Variants in CA10 observed in about 807,000 individuals in gnomAD.
CA10 encodes the protein carbonic anhydrase 10 (inactive).
CA10 carries 14 observed loss-of-function variants against 44.2 expected under a neutral mutation model. The observed-to-expected ratio is 0.32, with a 90% CI of 0.21 to 0.50. The LOEUF (loss-of-function observed/expected upper bound fraction) is 0.50, where lower values mean the gene tolerates loss of function less well. Ranked by LOEUF, CA10 falls within the 20% of genes least tolerant of loss-of-function variation. The pLI, the probability that CA10 is intolerant of heterozygous loss-of-function variation, is 0.99. For synonymous variants in CA10, 159 were observed against 141.6 expected, an observed-to-expected ratio of 1.12 and a Z score of -0.87; for missense variants, 350 against 409.7, an observed-to-expected ratio of 0.85 and a Z score of 1.26.
chr17:51,652,093 T>C (rs144285301), intron 5 of CA10, among the ~76,000 whole-genome samples: 94 of 152,318 alleles, frequency 6.2e-4, no homozygotes, highest in African/African-American at 2.1e-3. Flanking sequence ...CCAGCTCTAT[T>C]GGAGAGGCAT....
At chr17:52,103,878 A>G (rs1333850958) in intron 1 of CA10, among the ~76,000 whole-genome samples, 1 of 152,204 alleles carries the variant, frequency 6.6e-6, no homozygotes, top group Non-Finnish European at 1.5e-5. Flanking sequence ...GCTGCCTCAC[A>G]CCTTAGATGT....
intron 4 of CA10, among the ~76,000 whole-genome samples, chr17:51,657,440 ACC>A (rs1201202124): frequency 1.3e-5 from 2 of 152,048 alleles, no homozygotes; most frequent in African/African-American, 2.4e-5. Context: ...CTAACCCAAT[ACC>A]CACTAACCAC....
intron 4 of CA10, among the ~76,000 whole-genome samples, chr17:51,655,748 G>A (rs1913769802): frequency 6.6e-6 from 1 of 152,250 alleles, no homozygotes; most frequent in Admixed American, 6.5e-5. Flanking sequence ...ACAGTACCTT[G>A]AATCTGAGAA....
intron 3 of CA10, among the ~76,000 whole-genome samples, chr17:51,909,155 TGA>T (rs977303428): frequency 1.1e-4 from 16 of 152,166 alleles, no homozygotes; most frequent in African/African-American, 3.9e-4. Flanking sequence ...TCGTCACAGG[TGA>T]GATAGAAGGT....
intron 2 of CA10, among the ~76,000 whole-genome samples, chr17:51,983,630 T>C (rs1203964353): frequency 6.6e-6 from 1 of 151,730 alleles, no homozygotes; most frequent in African/African-American, 2.4e-5. Context: ...TTTTTATTGA[T>C]TTAAAGTCAT....
intron 1 of CA10, among the ~76,000 whole-genome samples, chr17:52,135,609 C>G (rs1264709899): frequency 6.6e-6 from 1 of 152,198 alleles, no homozygotes; most frequent in Non-Finnish European, 1.5e-5. Context: ...CTTGAAGTGT[C>G]TGTTTCTAGC....
At chr17:52,082,130 GCA>G (rs1988000196) in intron 1 of CA10, among the ~76,000 whole-genome samples, 1 of 152,150 alleles carries the variant, frequency 6.6e-6, no homozygotes, top group Non-Finnish European at 1.5e-5. Context: ...AGGTACACTG[GCA>G]CAGTGTTTGA....
chr17:51,790,548 C>T (rs1906479710), intron 3 of CA10, among the ~76,000 whole-genome samples: 1 of 152,126 alleles, frequency 6.6e-6, no homozygotes, highest in Non-Finnish European at 1.5e-5. Context: ...CATGAATTCA[C>T]CAAAAATGAA....
rs1567860378 is a variant in CA10 at position 51,849,207 on chromosome 17, A to ATATATATACATATATG, written c.279+81782_279+81783insCATATATGTATATATA. On this transcript the variant is annotated intron_variant, in intron 3 of 8. Transcript: ENST00000451037. ...TGTATATATATATATACATATATGTATATATATATATACATATATGTGTGT... is the reference window on the plus strand; with the variant it reads ...TGTATATATATATATACATATATGTATATATATACATATATGTATATATATATACATATATGTGTGT... Among the ~76,000 whole-genome samples, 19 of 40,780 alleles carry ATATATATACATATATG rather than the reference A, an allele frequency of 4.7e-4. 1 individual carries two copies. Among genetic ancestry groups the ATATATATACATATATG allele is most frequent in the African/African-American group, 2.7e-3 (17 of 6,332 alleles). 26.8% of individuals were successfully genotyped at this position (40,780 alleles called of 152,430 possible). A position where few individuals can be genotyped will look rare whatever the true frequency, so the allele number is the denominator to read the frequency against.
chr17:52,054,238 T>C (rs1987160492), intron 2 of CA10, among the ~76,000 whole-genome samples: 1 of 152,126 alleles, frequency 6.6e-6, no homozygotes, highest in Non-Finnish European at 1.5e-5. Context: ...AGGGGAGGCC[T>C]CTGAAATGGC....
intron 4 of CA10, among the ~76,000 whole-genome samples, chr17:51,699,397 G>C (rs1011308392): frequency 6.6e-6 from 1 of 151,666 alleles, no homozygotes; most frequent in Admixed American, 6.6e-5. Flanking sequence ...GGTGGTTTGA[G>C]GAGTCTCCAT....
chr17:52,015,507 A>G (rs968828436), intron 2 of CA10, among the ~76,000 whole-genome samples: 1 of 152,286 alleles, frequency 6.6e-6, no homozygotes. Flanking sequence ...CTAGATCTTG[A>G]ATGAACTTGA....
chr17:51,899,536 G>A (rs1414718072), intron 3 of CA10, among the ~76,000 whole-genome samples: 3 of 151,994 alleles, frequency 2.0e-5, no homozygotes, highest in African/African-American at 7.2e-5. Context: ...GTTTTTGGGT[G>A]GAGTGTTCTG....
chr17:51,677,885 ACC>A (rs201803270), intron 4 of CA10, among the ~76,000 whole-genome samples: 52 of 138,000 alleles, frequency 3.8e-4, no homozygotes, highest in African/African-American at 1.2e-3. Context: ...CTAGGTATAC[ACC>A]CCCCCCCCCA....
At chr17:51,856,055 T>C (rs1201603861) in intron 3 of CA10, among the ~76,000 whole-genome samples, 5 of 152,258 alleles carry the variant, frequency 3.3e-5, no homozygotes, top group African/African-American at 1.2e-4. Flanking sequence ...CCCGCGCAAA[T>C]GTGCAAGCCT....
chr17:51,855,299 GA>G (rs1474000083), intron 3 of CA10, among the ~76,000 whole-genome samples: 1 of 152,058 alleles, frequency 6.6e-6, no homozygotes. Flanking sequence ...TTACTATACA[GA>G]AAAGCACTTT....
rs146125400 is a variant in CA10 at position 51,686,547 on chromosome 17, G to T, written c.466-32811C>A. Reference sequence around the variant, plus strand: ...TTCTATGTATTAGAATCACCTTGAGGATATTAAAAAAAATCTTAATGTCTA... The same window carrying T: ...TTCTATGTATTAGAATCACCTTGAGTATATTAAAAAAAATCTTAATGTCTA... On this transcript the variant is annotated intron_variant, in intron 4 of 8. Coordinates refer to ENST00000451037, the MANE Select transcript of CA10 (RefSeq NM_020178.5). 5.7e-4 allele frequency among the ~76,000 whole-genome samples: 86 copies of T among 152,066 alleles called. No individual in the cohort carries two copies. The East Asian group carries it at 0.015, about 27-fold the overall frequency.
At chr17:52,117,409 G>A (rs946240872) in intron 1 of CA10, among the ~76,000 whole-genome samples, 1 of 152,092 alleles carries the variant, frequency 6.6e-6, no homozygotes, top group East Asian at 1.9e-4. Context: ...GCTCTTAAAG[G>A]GCTCCATCCT....
At chr17:51,757,279 GA>G (rs951964532) in intron 3 of CA10, among the ~76,000 whole-genome samples, 3 of 151,512 alleles carry the variant, frequency 2.0e-5, no homozygotes, top group Non-Finnish European at 4.4e-5. Context: ...ATCGACGCAA[GA>G]AAAAAAAATT....
Sources: gnomAD v4.1 joint callset for allele counts (sites outside exome capture counted in the v4.1 genomes callset) on GRCh38, gnomAD v4.1.1 for gene constraint, MANE v1.5 for transcripts, NCBI Gene and HGNC (gene_info 2026-07-23, HGNC 2026-07-21) for gene names.